The following PLD5 variants were observed in gnomAD, a reference collection of about 807,000 sequenced individuals.
PLD5 encodes the protein phospholipase D family member 5.
Under a neutral mutation model 61.1 loss-of-function variants are expected in PLD5, and 36 were observed. That is an observed-to-expected ratio of 0.59 (90% CI 0.45 to 0.78). The LOEUF is 0.78. Ranked by LOEUF, PLD5 falls within the 30% of genes least tolerant of loss-of-function variation. The pLI is 0.00. For missense variants in PLD5, 515 were observed against 644.4 expected (o/e 0.80, Z 2.17); for synonymous variants, 243 against 242.8 (o/e 1.00, Z -0.01).
chr1:242,217,069 A>T (rs1213977330), intron 5 of PLD5, among the ~76,000 whole-genome samples: 3 of 152,208 alleles, frequency 2.0e-5, no homozygotes, highest in African/African-American at 7.2e-5. Flanking sequence ...AGAAAGAAAG[A>T]TTCCTTTCAA....
At chr1:242,323,243 A>G (rs1381937034) in intron 2 of PLD5, among the ~76,000 whole-genome samples, 1 of 152,226 alleles carries the variant, frequency 6.6e-6, no homozygotes, top group Non-Finnish European at 1.5e-5. Context: ...TGATATTTGT[A>G]TCATAAAATT....
rs2148628449 is a variant in PLD5, at chr1:242,083,483, A to G, written c.*6371T>C. On this transcript the variant is annotated 3_prime_UTR_variant, in exon 10 of 10. Transcript: ENST00000536534. ...TAGGGTCTCTCCAAGACACCAGGAA[A>G]ACTATAGATCCACCTATGAAATATG... 6.6e-6 allele frequency: 1 copy of G among 152,262 alleles called. No individual in the cohort carries two copies. 9.4% of individuals were successfully genotyped at this position (152,262 alleles called of 1,614,324 possible). A position where few individuals can be genotyped will look rare whatever the true frequency, so the allele number is the denominator to read the frequency against.
At chr1:242,266,371 A>G (rs554762364) in intron 3 of PLD5, among the ~76,000 whole-genome samples, 4 of 152,302 alleles carry the variant, frequency 2.6e-5, no homozygotes, top group Admixed American at 6.5e-5. Context: ...ACAGAACAAG[A>G]ATCCATCTCA....
intron 2 of PLD5, among the ~76,000 whole-genome samples, 169 bp downstream of exon 2, chr1:242,347,937 T>A (rs1660232367): frequency 6.6e-6 from 1 of 152,180 alleles, no homozygotes. Flanking sequence ...CATTACTCAT[T>A]ACTTGCCCTA....
Position 242,147,962 on chromosome 1 carries a change from C to A in PLD5, c.736-23297G>T, listed in dbSNP as rs76923780. Among the ~76,000 whole-genome samples, 124 of 152,188 alleles carry A rather than the reference C, an allele frequency of 8.1e-4. 1 individual carries two copies. The East Asian group carries it at 0.02, about 25-fold the overall frequency. ...GTGATTTACAAATATTGCTGCTCAA[C>A]CTTTGGCTTTTATTTTCATTTTCTC... On this transcript the variant is annotated intron_variant, in intron 5 of 9. Coordinates refer to ENST00000536534, the MANE Select transcript of PLD5 (RefSeq NM_001372062.1).
chr1:242,411,274 C>A (rs376492199), intron 1 of PLD5, among the ~76,000 whole-genome samples: 1 of 152,082 alleles, frequency 6.6e-6, no homozygotes, highest in Non-Finnish European at 1.5e-5. Flanking sequence ...CTCGCTCTAT[C>A]GCCCAGGCTG....
At chr1:242,500,954 G>A (rs1168612212) in intron 1 of PLD5, among the ~76,000 whole-genome samples, 1 of 152,118 alleles carries the variant, frequency 6.6e-6, no homozygotes, top group African/African-American at 2.4e-5. Flanking sequence ...ACCTAGAGTA[G>A]TATCATTTAA....
chr1:242,355,229 A>C (rs1488460688), intron 1 of PLD5, among the ~76,000 whole-genome samples: 1 of 152,222 alleles, frequency 6.6e-6, no homozygotes. Context: ...GGCAGCATTC[A>C]GCAGCGAAGC....
chr1:242,274,311 G>C (rs1179581734), intron 3 of PLD5, among the ~76,000 whole-genome samples: 1 of 152,218 alleles, frequency 6.6e-6, no homozygotes, highest in East Asian at 1.9e-4. Flanking sequence ...GCTTTGGAAG[G>C]CCATGTGGGG....
intron 1 of PLD5, among the ~76,000 whole-genome samples, chr1:242,358,543 C>T (rs1315258074): frequency 6.6e-6 from 1 of 151,650 alleles, no homozygotes; most frequent in Non-Finnish European, 1.5e-5. Flanking sequence ...CTATGCTCTG[C>T]TATCCAGCAA....
At chr1:242,358,293 T>A (rs1455296172) in intron 1 of PLD5, among the ~76,000 whole-genome samples, 1 of 152,204 alleles carries the variant, frequency 6.6e-6, no homozygotes, top group Non-Finnish European at 1.5e-5. Context: ...GGAGGTGTCA[T>A]GATTTCTCAA....
rs187798152 is a variant in PLD5 at position 242,440,505 on chromosome 1, T to C, written c.189+83583A>G. On this transcript the variant is annotated intron_variant, in intron 1 of 9. Transcript: ENST00000536534. ...ACATGAGTCTGACTGTATTGAAAAC[T>C]GATCGGGTATAGATTATAATCCATT... 4.6e-5 allele frequency among the ~76,000 whole-genome samples: 7 copies of C among 152,368 alleles called. No homozygotes were observed. In the East Asian group the frequency reaches 1.3e-3, roughly 29 times the overall value.
intron 2 of PLD5, among the ~76,000 whole-genome samples, chr1:242,299,913 CCT>C (rs1199082142): frequency 1.5e-4 from 23 of 152,162 alleles, no homozygotes; most frequent in African/African-American, 5.1e-4. Context: ...AGGCAAAACC[CCT>C]GTTTTCATGG....
intron 5 of PLD5, among the ~76,000 whole-genome samples, chr1:242,131,930 G>C (rs1663291228): frequency 6.6e-6 from 1 of 150,484 alleles, no homozygotes; most frequent in Non-Finnish European, 1.5e-5. Context: ...TGCCTCCTGG[G>C]TTCAAGCAAT....
chr1:242,450,853 G>A (rs1666750077), intron 1 of PLD5, among the ~76,000 whole-genome samples: 1 of 152,194 alleles, frequency 6.6e-6, no homozygotes, highest in Non-Finnish European at 1.5e-5. Context: ...CCAAGATGTA[G>A]CTCAATGCTT....
chr1:242,104,127 T>C lies in PLD5; in HGVS notation c.1240-3345A>G, dbSNP rs997134027. Among the ~76,000 whole-genome samples, 3 of 147,476 alleles carry C rather than the reference T, an allele frequency of 2.0e-5. No individual in the cohort carries two copies. The South Asian group carries it at 6.7e-4, about 33-fold the overall frequency. On this transcript the variant is annotated intron_variant, in intron 8 of 9. Coordinates refer to ENST00000536534, the MANE Select transcript of PLD5 (RefSeq NM_001372062.1). ...TGAGCAGATGCAGTATATGATGTTT[T>C]TGTTTTTGCTTCGAGACAGTCTTGT...
At chr1:242,348,895 A>T (rs1660304280) in intron 1 of PLD5, among the ~76,000 whole-genome samples, 1 of 152,142 alleles carries the variant, frequency 6.6e-6, no homozygotes, top group Admixed American at 6.5e-5. Context: ...TCTACTAAAA[A>T]TACAAAAAAT....
chr1:242,272,663 A>G (rs1383163153), intron 3 of PLD5, among the ~76,000 whole-genome samples: 1 of 152,182 alleles, frequency 6.6e-6, no homozygotes. Flanking sequence ...ATACCAAAGA[A>G]GAAAAGTAAA....
At chr1:242,350,276 G>A (rs1165634317) in intron 1 of PLD5, among the ~76,000 whole-genome samples, 1 of 152,052 alleles carries the variant, frequency 6.6e-6, no homozygotes, top group Non-Finnish European at 1.5e-5. Flanking sequence ...AAAAGACCAA[G>A]ATAAATTAGA....
Sources: gnomAD v4.1 joint callset for allele counts (sites outside exome capture counted in the v4.1 genomes callset) on GRCh38, gnomAD v4.1.1 for gene constraint, MANE v1.5 for transcripts, NCBI Gene and HGNC (gene_info 2026-07-23, HGNC 2026-07-21) for gene names.